Variants in DST observed in about 807,000 individuals in gnomAD.
The protein encoded by DST is bullous pemphigoid antigen.
In DST, 253 loss-of-function variants were observed where a neutral mutation model predicts 875.2. The observed-to-expected ratio is 0.29, with a 90% CI of 0.26 to 0.32. The LOEUF is 0.32. DST is among the 10% of genes least tolerant of loss of function. DST has a pLI of 1.00. For missense variants in DST, 8,287 were observed against 9,111.6 expected (o/e 0.91, Z 3.68); for synonymous variants, 3,124 against 3,197.1 (o/e 0.98, Z 0.77).
At chr6:56,753,038 G>A (rs554743188) in intron 4 of DST, among the ~76,000 whole-genome samples, 18 of 152,144 alleles carry the variant, frequency 1.2e-4, no homozygotes, top group Admixed American at 3.3e-4. Context: ...TGGTCCACCC[G>A]CCTCGGCCTC....
intron 55 of DST, among the ~76,000 whole-genome samples, chr6:56,566,456 T>C (rs1233049741): frequency 1.3e-5 from 2 of 152,170 alleles, no homozygotes; most frequent in African/African-American, 4.8e-5. Flanking sequence ...GCAGGGAAGT[T>C]TTCCGACCCC....
At chr6:56,652,828 A>G (rs2098984168) in intron 10 of DST, among the ~76,000 whole-genome samples, 4 of 152,226 alleles carry the variant, frequency 2.6e-5, no homozygotes, top group Admixed American at 2.6e-4. Context: ...TACAATTATT[A>G]TAGGAACAAT....
In DST at chr6:56,508,732, T is replaced by C. The variant is rs1482096179; in HGVS notation, c.19036A>G (p.Met6346Val). The C allele has an allele frequency of 1.9e-6, 3 of 1,613,460 alleles. No homozygotes were observed. The highest frequency in any genetic ancestry group is 4.5e-5 in the East Asian group (2 of 44,882). ...TGTATGTTCTCCCAAATGAAAACCATTTGGTCAAGCTTATCCTGAACAGCT... is the reference window on the plus strand; with the variant it reads ...TGTATGTTCTCCCAAATGAAAACCACTTGGTCAAGCTTATCCTGAACAGCT... ...AKAVQDKLDQ[M>V]VFIWENIHTL... is the part of the protein sequence containing the mutation. The change falls in exon 75 of 104, where the codon ATG (methionine) becomes GTG (valine). Residue 6346 changes from methionine to valine, a missense_variant. By Grantham distance (21) the Met-to-Val change is conservative (BLOSUM62 1). This residue lies in a region of DST where 1,292 missense variants were observed against 1,552.7 expected (regional missense o/e 0.83). Transcript: ENST00000680361.
At chr6:56,742,153 T>G in intron 4 of DST, 1 of 555,436 alleles carries the variant, frequency 1.8e-6, no homozygotes, top group Non-Finnish European at 3.1e-6. Flanking sequence ...CAGTACAGGT[T>G]TTCGAAAGAT....
Position 56,634,466 on chromosome 6 carries a change from T to C in DST, c.3490A>G (p.Asn1164Asp), listed in dbSNP as rs2098808987. The C allele has an allele frequency of 1.2e-6, 2 of 1,614,150 alleles. No individual in the cohort carries two copies. The highest frequency in any genetic ancestry group is 1.1e-5 in the South Asian group (1 of 91,066). ...TTTTAGCTAATATATACAAACCTGTTGGCAAGGTCCACCGCTTCTTTGTTT... is the reference window on the plus strand; with the variant it reads ...TTTTAGCTAATATATACAAACCTGTCGGCAAGGTCCACCGCTTCTTTGTTT... ...PPNKEAVDLA[N>D]RIEQQYQNVL... Residue 1164 changes from asparagine to aspartate, a missense_variant, in exon 26 of 104, where the codon AAC becomes GAC. Around this residue, in one of 10 missense-constraint regions of DST, gnomAD observed 1,160 missense variants for 1,424.3 expected, o/e 0.81. Transcript: ENST00000680361.
rs2098329972 is a variant in DST at position 56,593,943 on chromosome 6, C to G, written c.12446G>C (p.Trp4149Ser). ...FDADYTEFEHWLQQSEQELEN... is the reference protein window; with the variant it reads ...FDADYTEFEHSLQQSEQELEN... Reference sequence around the variant, plus strand: ...AAGTTCTTGTTCTGACTGCTGTAGCCAGTGCTCAAACTCGGTATAGTCAGC... The same window carrying G: ...AAGTTCTTGTTCTGACTGCTGTAGCGAGTGCTCAAACTCGGTATAGTCAGC... Residue 4149 changes from tryptophan to serine, a missense_variant, in exon 48 of 104, where the codon TGG becomes TCG. Physicochemically the swap from Trp to Ser is radical, Grantham distance 177. Around this residue, in one of 10 missense-constraint regions of DST, gnomAD observed 1,513 missense variants for 1,677.8 expected, o/e 0.90. Coordinates refer to ENST00000680361, the MANE Select transcript of DST (RefSeq NM_001374736.1). 1.9e-6 allele frequency: 3 copies of G among 1,613,822 alleles called. No homozygotes were observed. Among genetic ancestry groups the G allele is most frequent in the Non-Finnish European group, 2.5e-6 (3 of 1,179,818 alleles).
At chr6:56,509,956 C>G (rs9296849) in intron 73 of DST, 83 bp from the exon 74 acceptor site, 1 of 1,099,954 alleles carries the variant, frequency 9.1e-7, no homozygotes, top group Non-Finnish European at 1.3e-6. Flanking sequence ...ACATTTTTTA[C>G]AATTTAATGT....
intron 58 of DST, 71 bp from the exon 59 acceptor site, chr6:56,557,589 T>C: frequency 8.7e-7 from 1 of 1,151,082 alleles, no homozygotes; most frequent in Non-Finnish European, 1.2e-6. Context: ...ATGAGGACTG[T>C]ATGGTATGAT....
intron 4 of DST, among the ~76,000 whole-genome samples, chr6:56,814,129 G>T (rs1209249172): frequency 2.6e-5 from 4 of 151,986 alleles, no homozygotes; most frequent in Non-Finnish European, 5.9e-5. Context: ...TCAATATATA[G>T]ACAAAACTAC....
At chr6:56,851,168 G>T (rs1174963759) in intron 4 of DST, 4 of 538,738 alleles carry the variant, frequency 7.4e-6, no homozygotes, top group African/African-American at 3.8e-5. Context: ...CAAAGGAATC[G>T]ATTCGTCCAA....
At chr6:56,857,368 T>C (rs763674621) in intron 3 of DST, among the ~76,000 whole-genome samples, 5 of 152,176 alleles carry the variant, frequency 3.3e-5, no homozygotes, top group African/African-American at 4.8e-5. Flanking sequence ...TTTATTCCTG[T>C]GCTCACAAAA....
chr6:56,761,369 G>A (rs1254433500), intron 4 of DST, among the ~76,000 whole-genome samples: 1 of 152,194 alleles, frequency 6.6e-6, no homozygotes, highest in Non-Finnish European at 1.5e-5. Flanking sequence ...AACTAACCCA[G>A]CTAACAAGTG....
chr6:56,493,141 G>C, intron 83 of DST, 52 bp from the exon 84 acceptor site: 1 of 1,511,532 alleles, frequency 6.6e-7, no homozygotes, highest in Non-Finnish European at 9.0e-7. Flanking sequence ...TGGTTATTTT[G>C]TTTGTTTCAG....
chr6:56,618,195 CGAGTGGA>C, intron 36 of DST: 1 of 1,614,092 alleles, frequency 6.2e-7, no homozygotes, highest in Non-Finnish European at 8.5e-7. Flanking sequence ...TTCTCTTTCT[CGAGTGGA>C]GCCCCTGGTG....
chr6:56,784,687 G>C (rs79781025), intron 4 of DST, among the ~76,000 whole-genome samples: 1 of 152,088 alleles, frequency 6.6e-6, no homozygotes, highest in Admixed American at 6.6e-5. Flanking sequence ...CCTGTAGCTC[G>C]GAGTAGTTTG....
chr6:56,683,442 A>T (rs1044649883), intron 9 of DST, among the ~76,000 whole-genome samples: 5 of 152,120 alleles, frequency 3.3e-5, no homozygotes, highest in Non-Finnish European at 5.9e-5. Flanking sequence ...GATTCAAGCA[A>T]TTCTCCTCTT....
chr6:56,676,470 A>C (rs1182907697), intron 9 of DST, among the ~76,000 whole-genome samples: 1 of 152,206 alleles, frequency 6.6e-6, no homozygotes, highest in African/African-American at 2.4e-5. Flanking sequence ...AGAGGTGCCC[A>C]AAAAATTAAA....
intron 2 of DST, among the ~76,000 whole-genome samples, chr6:56,930,137 G>A (rs556895090): frequency 1.3e-5 from 2 of 152,348 alleles, no homozygotes; most frequent in African/African-American, 4.8e-5. Context: ...AGGTAAGGAA[G>A]GTGATGATGG....
rs546456904 is a variant in DST, at chr6:56,735,248, T to C, written c.667A>G (p.Ile223Val). The change falls in exon 5 of 104, where the codon ATA becomes GTA. Residue 223 changes from isoleucine (I) to valine (V), a missense_variant. By Grantham distance (29) the Ile-to-Val change is conservative. This residue lies in a region of DST where 1,160 missense variants were observed against 1,424.3 expected (regional missense o/e 0.81). Transcript: ENST00000680361. Reference protein sequence around the residue: ...KVQKKTFTKWINQHLMKVRKH... With the variant: ...KVQKKTFTKWVNQHLMKVRKH... ...CTGACCTTCATGAGATGCTGATTTATCCATTTTGTAAATGTTTTCTTCTGA... is the reference window on the plus strand; with the variant it reads ...CTGACCTTCATGAGATGCTGATTTACCCATTTTGTAAATGTTTTCTTCTGA... 193 of 1,551,710 alleles carry C rather than the reference T, an allele frequency of 1.2e-4. 2 individuals carry two copies. The South Asian group carries it at 2.1e-3, about 17-fold the overall frequency.
Sources: gnomAD v4.1 joint callset for allele counts (sites outside exome capture counted in the v4.1 genomes callset) on GRCh38, gnomAD v4.1.1 for gene constraint, gnomAD v4.1.1 regional missense constraint, MANE v1.5 for transcripts, NCBI Gene and HGNC (gene_info 2026-07-23, HGNC 2026-07-21) for gene names.